The following SGMS1 variants were observed in gnomAD, a reference collection of about 807,000 sequenced individuals.
SGMS1 encodes phosphatidylcholine:ceramide cholinephosphotransferase 1.
SGMS1 carries 13 observed loss-of-function variants against 46.2 expected under a neutral mutation model. The observed-to-expected ratio is 0.28, with a 90% CI of 0.18 to 0.45. SGMS1 has a LOEUF of 0.45. SGMS1 is among the 20% of genes least tolerant of loss of function. SGMS1 has a pLI of 1.00. For synonymous variants in SGMS1, 203 were observed against 187.8 expected (o/e 1.08, Z -0.66); for missense variants, 324 against 519.9 (o/e 0.62, Z 3.66).
intron 7 of SGMS1, among the ~76,000 whole-genome samples, chr10:50,327,632 C>G (rs1244441117): frequency 6.6e-6 from 1 of 152,158 alleles, no homozygotes; most frequent in Non-Finnish European, 1.5e-5. Context: ...GGAGCCCACG[C>G]TGATTGGCCA....
At chr10:50,624,698 C>T (rs1485244012), upstream of SGMS1, 3 of 985,320 alleles carry the variant, frequency 3.0e-6, no homozygotes, top group Non-Finnish European at 3.6e-6. Flanking sequence ...CCACGTGGTG[C>T]AAGTCGCCTG....
chr10:50,506,784 TAATA>T (rs1837710386), intron 3 of SGMS1, among the ~76,000 whole-genome samples: 1 of 152,220 alleles, frequency 6.6e-6, no homozygotes, highest in Non-Finnish European at 1.5e-5. Flanking sequence ...ATTTAAATGT[TAATA>T]GTGGCCACCA....
At chr10:50,574,985 A>ATATAT (rs58462802) in intron 2 of SGMS1, among the ~76,000 whole-genome samples, 4 of 143,094 alleles carry the variant, frequency 2.8e-5, no homozygotes, top group East Asian at 2.1e-4. Context: ...ATATATATAT[A>ATATAT]AAACAAAGTA....
chr10:50,619,042 A>ACTT (rs1838823491), intron 1 of SGMS1, among the ~76,000 whole-genome samples: 1 of 152,166 alleles, frequency 6.6e-6, no homozygotes, highest in Admixed American at 6.5e-5. Flanking sequence ...CTGAGGTAGG[A>ACTT]GAGTCTCTTG....
At chr10:50,563,484 C>A (rs938985939) in intron 2 of SGMS1, among the ~76,000 whole-genome samples, 1 of 152,042 alleles carries the variant, frequency 6.6e-6, no homozygotes, top group Non-Finnish European at 1.5e-5. Flanking sequence ...TGGCTCACGC[C>A]TGTAATCCCA....
intron 8 of SGMS1, among the ~76,000 whole-genome samples, chr10:50,325,674 A>G (rs945770445): frequency 2.6e-5 from 4 of 152,226 alleles, no homozygotes; most frequent in African/African-American, 9.6e-5. Context: ...GTCCTCAAGA[A>G]GAAACAAGTT....
chr10:50,607,021 C>A (rs1390503827), intron 1 of SGMS1, among the ~76,000 whole-genome samples: 3 of 151,502 alleles, frequency 2.0e-5, no homozygotes, highest in Non-Finnish European at 4.4e-5. Flanking sequence ...CTCCATCACC[C>A]AGGCTGAAGT....
intron 2 of SGMS1, among the ~76,000 whole-genome samples, chr10:50,563,268 CCAAGA>C (rs1190088974): frequency 6.6e-6 from 1 of 152,188 alleles, no homozygotes; most frequent in Non-Finnish European, 1.5e-5. Context: ...CTACCATACT[CCAAGA>C]CCATGCCTAC....
intron 6 of SGMS1, among the ~76,000 whole-genome samples, chr10:50,394,613 A>G (rs1391535989): frequency 6.6e-6 from 1 of 152,266 alleles, no homozygotes; most frequent in Non-Finnish European, 1.5e-5. Flanking sequence ...GGAAATCAAA[A>G]TAAATCTGAG....
intron 8 of SGMS1, among the ~76,000 whole-genome samples, chr10:50,323,415 T>C (rs1389396118): frequency 6.6e-6 from 1 of 152,242 alleles, no homozygotes; most frequent in East Asian, 1.9e-4. Context: ...TGAGTAACTG[T>C]CAGAGTATCC....
intron 2 of SGMS1, among the ~76,000 whole-genome samples, chr10:50,574,679 G>A (rs1429860122): frequency 6.6e-6 from 1 of 152,076 alleles, no homozygotes; most frequent in East Asian, 1.9e-4. Context: ...GGAGATACCT[G>A]CATGCTCATG....
chr10:50,579,416 A>T (rs1299392410), intron 2 of SGMS1, among the ~76,000 whole-genome samples: 1 of 152,164 alleles, frequency 6.6e-6, no homozygotes, highest in Non-Finnish European at 1.5e-5. Context: ...GTTTCCAAGA[A>T]ATGAAAATAG....
chr10:50,569,862 TG>T (rs1490784635), intron 2 of SGMS1, among the ~76,000 whole-genome samples: 1 of 152,092 alleles, frequency 6.6e-6, no homozygotes, highest in Non-Finnish European at 1.5e-5. Flanking sequence ...CCAAAGAAGC[TG>T]GGGTGATCCC....
At chr10:50,411,733 T>G (rs1302331320) in intron 6 of SGMS1, among the ~76,000 whole-genome samples, 1 of 152,210 alleles carries the variant, frequency 6.6e-6, no homozygotes, top group Non-Finnish European at 1.5e-5. Flanking sequence ...AGTATCAAAC[T>G]CTCCGCTTCT....
At chr10:50,357,100 G>T (rs1848166860) in intron 6 of SGMS1, among the ~76,000 whole-genome samples, 1 of 150,242 alleles carries the variant, frequency 6.7e-6, no homozygotes. Flanking sequence ...GAGAAAAACA[G>T]CACGTGTTCA....
intron 2 of SGMS1, among the ~76,000 whole-genome samples, chr10:50,531,671 C>G (rs965351325): frequency 6.6e-6 from 1 of 152,154 alleles, no homozygotes; most frequent in Non-Finnish European, 1.5e-5. Flanking sequence ...CTTATCCTAC[C>G]CAACGGTCTG....
chr10:50,501,009 C>G (rs540307500), intron 3 of SGMS1, among the ~76,000 whole-genome samples: 23 of 152,290 alleles, frequency 1.5e-4, no homozygotes, highest in African/African-American at 5.3e-4. Context: ...TTAACCAATG[C>G]TGGGAAGACA....
chr10:50,442,320 C>T (rs755505619), intron 5 of SGMS1, among the ~76,000 whole-genome samples: 8 of 152,110 alleles, frequency 5.3e-5, no homozygotes, highest in Non-Finnish European at 7.4e-5. Context: ...AGGTATTCTT[C>T]CTGATGCTCT....
chr10:50,377,431 G>A (rs1848536621), intron 6 of SGMS1, among the ~76,000 whole-genome samples: 1 of 152,066 alleles, frequency 6.6e-6, no homozygotes, highest in Non-Finnish European at 1.5e-5. Flanking sequence ...TGTTACACTG[G>A]GAATTATCTT....
Sources: gnomAD v4.1 joint callset for allele counts (sites outside exome capture counted in the v4.1 genomes callset) on GRCh38, gnomAD v4.1.1 for gene constraint, MANE v1.5 for transcripts, NCBI Gene and HGNC (gene_info 2026-07-23, HGNC 2026-07-21) for gene names.